The following STRA6 variants were observed in gnomAD, a reference collection of about 807,000 sequenced individuals.
The protein encoded by STRA6 is signaling receptor and transporter of retinol STRA6.
Under a neutral mutation model 83.6 loss-of-function variants are expected in STRA6, and 48 were observed. That is an observed-to-expected ratio of 0.57 (90% confidence interval 0.46 to 0.73). The LOEUF is 0.73. STRA6 is among the 30% of genes least tolerant of loss of function. The pLI is 0.00. For missense variants in STRA6, 760 were observed against 838.8 expected, an observed-to-expected ratio of 0.91 and a Z score of 1.16; for synonymous variants, 353 against 362.3, an observed-to-expected ratio of 0.97 and a Z score of 0.29.
chr15:74,193,903 A>G lies in STRA6; in HGVS notation c.617T>C (p.Leu206Pro). ...QVPKIYKYYS[L>P]LASLPLLLGL... The stretch of plus-strand genomic sequence containing the variant: ...CAGCAGGAGAGGCAGGGAGGCCAGC[A>G]GGGAGTAGTACTTGTAGATCTGGAC... The change falls in exon 8 of 19, where the codon CTG (leucine) becomes CCG (proline). Residue 206 changes from leucine (L) to proline (P), a missense_variant. Coordinates refer to ENST00000395105, the MANE Select transcript of STRA6 (RefSeq NM_022369.4). 1 of 1,613,710 alleles carries G rather than the reference A, an allele frequency of 6.2e-7. No homozygotes were observed. The highest frequency in any genetic ancestry group is 8.5e-7 in the Non-Finnish European group (1 of 1,179,682).
At chr15:74,211,119 C>G (rs572513595), upstream of STRA6, among the ~76,000 whole-genome samples, 214 of 133,722 alleles carry the variant, frequency 1.6e-3, no homozygotes, top group African/African-American at 5.3e-3. Context: ...GGAAGTTTTG[C>G]CAGAGATTCC....
rs200424815 is a variant in STRA6 at position 74,182,361 on chromosome 15, C to T, written c.1400G>A (p.Arg467His). The T allele has an allele frequency of 5.1e-5, 83 of 1,613,900 alleles. No individual in the cohort carries two copies. The highest frequency in any genetic ancestry group is 4.0e-4 in the African/African-American group (30 of 74,888). Residue 467 changes from arginine (R) to histidine (H), a missense_variant, in exon 15 of 19, where the codon CGT (arginine) becomes CAT (histidine). Arg to His is a conservative substitution (Grantham distance 29). Transcript: ENST00000395105. ...VLHGRNLLLF[R>H]SLESSWPFWL... The stretch of plus-strand genomic sequence containing the variant: ...CACTCACCACGAGGACTCCAGGGAA[C>T]GGAAGAGCAGGAGGTTCCTGCCATG...
At chr15:74,196,221 C>A in intron 4 of STRA6, 74 bp from the exon 5 acceptor site, 37 of 1,587,924 alleles carry the variant, frequency 2.3e-5, no homozygotes, top group Non-Finnish European at 3.2e-5. Flanking sequence ...CAGCTGTATT[C>A]CATAAATCAA....
chr15:74,193,743 G>T, intron 8 of STRA6, 57 bp downstream of exon 8: 7 of 1,607,592 alleles, frequency 4.4e-6, no homozygotes, highest in South Asian at 1.1e-5. Flanking sequence ...ACAGATACGG[G>T]GGAGTAGGGC....
intron 14 of STRA6, chr15:74,182,674 C>G: frequency 3.5e-6 from 2 of 573,540 alleles, no homozygotes; most frequent in South Asian, 4.0e-5. Context: ...GTCCCTACCT[C>G]AGAGGCTGTT....
At chr15:74,202,484 A>G (rs2074121362) in intron 1 of STRA6, 4 of 1,535,142 alleles carry the variant, frequency 2.6e-6, no homozygotes, top group Non-Finnish European at 3.5e-6. Context: ...GGAAGAGGAC[A>G]GGGCCTCTCG....
At chr15:74,201,182 C>T (rs1337939472) in intron 2 of STRA6, among the ~76,000 whole-genome samples, 1 of 152,184 alleles carries the variant, frequency 6.6e-6, no homozygotes, top group African/African-American at 2.4e-5. Context: ...GCCTCTGTCC[C>T]TGCTGGATGA....
rs748253525 is a variant in STRA6, at chr15:74,184,999, G to C, written c.1147C>G (p.Arg383Gly). Reference protein sequence around the residue: ...SCLLTFLVLMRSLVTHRTNLR... With the variant: ...SCLLTFLVLMGSLVTHRTNLR... ...ACTCACCTGTGTGTCACCAGTGAGC[G>C]CATCAGGACCAGGAAGGTGAGTAAG... Residue 383 changes from arginine (R) to glycine (G), a missense_variant, in exon 13 of 19, where the codon CGC becomes GGC. By Grantham distance (125) the Arg-to-Gly change is moderately radical. Transcript: ENST00000395105. 6 of 1,613,812 alleles carry C rather than the reference G, an allele frequency of 3.7e-6. No homozygotes were observed. Among genetic ancestry groups the C allele is most frequent in the Middle Eastern group, 1.6e-4 (1 of 6,084 alleles).
chr15:74,208,597 T>C (rs2074315245), intron 1 of STRA6, among the ~76,000 whole-genome samples: 1 of 152,156 alleles, frequency 6.6e-6, no homozygotes, highest in African/African-American at 2.4e-5. Context: ...GAGCTCCTGC[T>C]AGCCCCCCAG....
upstream of STRA6, among the ~76,000 whole-genome samples, chr15:74,211,126 T>C (rs2629727): frequency 1.0e-4 from 14 of 135,008 alleles, no homozygotes; most frequent in African/African-American, 3.7e-4. Flanking sequence ...TTGCCAGAGA[T>C]TCCCCCCCAC....
intron 14 of STRA6, chr15:74,182,944 C>T (rs887967593): frequency 4.8e-5 from 9 of 186,334 alleles, no homozygotes; most frequent in South Asian, 1.1e-4. Flanking sequence ...CAAGAAGAGA[C>T]GCTATGACTT....
Position 74,180,005 on chromosome 15 carries a change from G to C in STRA6, c.*75C>G. 1 of 1,568,724 alleles carries C rather than the reference G, an allele frequency of 6.4e-7. No homozygotes were observed. Among genetic ancestry groups the C allele is most frequent in the Non-Finnish European group, 8.7e-7 (1 of 1,147,658 alleles). On this transcript the variant is annotated 3_prime_UTR_variant, in exon 19 of 19. Coordinates refer to ENST00000395105, the MANE Select transcript of STRA6 (RefSeq NM_022369.4). ...TGGCTGGTGTGATGCTGGGAGGAGA[G>C]CCGGGGAGGGAGGAGGATGGTAGGC...
rs1050869200 is a variant in STRA6, at chr15:74,194,808, C to T, written c.597+494G>A. 102 of 1,304,752 alleles carry T rather than the reference C, an allele frequency of 7.8e-5. No homozygotes were observed. In the Middle Eastern group the frequency reaches 1.1e-3, roughly 14 times the overall value. The allele number at this position is 1,304,752 out of a possible 1,614,324, so 80.8% of individuals were successfully genotyped here. A position where few individuals can be genotyped will look rare whatever the true frequency, so the allele number is the denominator to read the frequency against. ...AGGTTGTCTGGCTCTAAAGCCTGTA[C>T]CATCACTCTTTGAGTTCTAGACTGG... is the stretch of plus-strand genomic sequence containing the variant. On this transcript the variant is annotated intron_variant, in intron 7 of 18. Coordinates refer to ENST00000395105, the MANE Select transcript of STRA6 (RefSeq NM_022369.4).
At chr15:74,197,842 T>C in intron 2 of STRA6, 24 bp from the exon 3 acceptor site, 2 of 1,611,306 alleles carry the variant, frequency 1.2e-6, no homozygotes. Context: ...GAAGGCTGGC[T>C]CAGGCCTGCG....
chr15:74,180,008 G>A lies in STRA6; in HGVS notation c.*72C>T, dbSNP rs1029459207. 6.6e-5 allele frequency: 104 copies of A among 1,572,744 alleles called. No homozygotes were observed. The highest frequency in any genetic ancestry group is 9.1e-5 in the East Asian group (4 of 44,138). On this transcript the variant is annotated 3_prime_UTR_variant, in exon 19 of 19. Transcript: ENST00000395105. ...CTGGTGTGATGCTGGGAGGAGAGCC[G>A]GGGAGGGAGGAGGATGGTAGGCAGG...
chr15:74,180,866 A>T lies in STRA6; in HGVS notation c.1756T>A (p.Ser586Thr). 1 of 1,613,972 alleles carries T rather than the reference A, an allele frequency of 6.2e-7. No individual in the cohort carries two copies. The highest frequency in any genetic ancestry group is 8.5e-7 in the Non-Finnish European group (1 of 1,179,968). The change falls in exon 18 of 19, where the codon TCC (serine) becomes ACC (threonine). Residue 586 changes from serine to threonine, a missense_variant. Physicochemically the swap from Ser to Thr is moderately conservative, Grantham distance 58 (BLOSUM62 1). Transcript: ENST00000395105. ...AGGCTCTGCGCTTGCAGGAGCAGGG[A>T]GCAGAAGGCTGTCATGGCTGGATGC... ...QSHPAMTAFC[S>T]LLLQAQSLLP...
Position 74,189,358 on chromosome 15 carries a change from G to C in STRA6, c.928-81C>G, listed in dbSNP as rs1363096360. ...AGGGGAGACGCTGGGGAAGAAACTGGCAGCACACAGGCCCCAGCCACATGC... is the reference window on the plus strand; with the variant it reads ...AGGGGAGACGCTGGGGAAGAAACTGCCAGCACACAGGCCCCAGCCACATGC... On this transcript the variant is annotated intron_variant, in intron 11 of 18. Transcript: ENST00000395105. 3.3e-6 allele frequency: 5 copies of C among 1,535,002 alleles called. No individual in the cohort carries two copies. In the Admixed American group the frequency reaches 5.9e-5, roughly 18 times the overall value.
chr15:74,191,710 A>G, intron 8 of STRA6: 2 of 608,614 alleles, frequency 3.3e-6, no homozygotes, highest in Non-Finnish European at 5.9e-6. Flanking sequence ...CCAGTCTCCT[A>G]TCAAAGAACC....
At chr15:74,200,576 C>G (rs1373045701) in intron 2 of STRA6, among the ~76,000 whole-genome samples, 1 of 152,228 alleles carries the variant, frequency 6.6e-6, no homozygotes, top group Non-Finnish European at 1.5e-5. Context: ...TGCAACATGT[C>G]CCCAGGGTGT....
Sources: gnomAD v4.1 joint callset for allele counts (sites outside exome capture counted in the v4.1 genomes callset) on GRCh38, gnomAD v4.1.1 for gene constraint, MANE v1.5 for transcripts, NCBI Gene and HGNC (gene_info 2026-07-23, HGNC 2026-07-21) for gene names.